IQSEC1: variants seen among roughly 807,000 people sequenced by gnomAD.
The protein encoded by IQSEC1 is IQ motif and SEC7 domain-containing protein 1.
In IQSEC1, 31 loss-of-function variants were observed where a neutral mutation model predicts 91.0. The ratio of observed to expected loss-of-function variants is 0.34; its 90% CI spans 0.26 to 0.46. IQSEC1 has a LOEUF of 0.46. IQSEC1 is among the 20% of genes least tolerant of loss of function. The pLI is 1.00. For missense variants in IQSEC1, 1,388 were observed against 1,575.6 expected (o/e 0.88, Z 2.02); for synonymous variants, 699 against 662.6 (o/e 1.05, Z -0.84).
Position 12,935,862 on chromosome 3 carries a change from C to T in IQSEC1, c.1154G>A (p.Gly385Glu). The T allele has an allele frequency of 6.2e-7, 1 of 1,607,584 alleles. No homozygotes were observed. Among genetic ancestry groups the T allele is most frequent in the South Asian group, 1.1e-5 (1 of 91,084 alleles). The change falls in exon 3 of 14, where the codon GGG (glycine) becomes GAG (glutamate). Residue 385 changes from glycine (G) to glutamate (E), a missense_variant. This residue lies in a region of IQSEC1 where 1,059 missense variants were observed against 1,317.8 expected (regional missense o/e 0.80). Coordinates refer to ENST00000613206, the MANE Select transcript of IQSEC1 (RefSeq NM_001134382.3). The surrounding 1 kb of genome is among the most constrained non-coding windows in gnomAD (Gnocchi z 8.0). ...GTAAGCACTCTGCCTCTTGAGTGACCCCCGCTCCGAGCGGTCACTAAGGTC... is the reference window on the plus strand; with the variant it reads ...GTAAGCACTCTGCCTCTTGAGTGACTCCCGCTCCGAGCGGTCACTAAGGTC... ...SVDLSDRSER[G>E]SLKRQSAYER...
intron 1 of IQSEC1, among the ~76,000 whole-genome samples, chr3:13,247,452 C>T (rs1196509521): frequency 1.3e-5 from 2 of 152,238 alleles, no homozygotes; most frequent in Non-Finnish European, 2.9e-5. Context: ...TCACCTCCCT[C>T]ATCGCCCCCC....
chr3:13,225,835 G>A (rs1273325305), intron 1 of IQSEC1, among the ~76,000 whole-genome samples: 1 of 152,114 alleles, frequency 6.6e-6, no homozygotes, highest in Non-Finnish European at 1.5e-5. Flanking sequence ...TGCATAGGGT[G>A]CAAGAAGCAG....
At chr3:13,061,957 A>G (rs1705082049) in intron 1 of IQSEC1, among the ~76,000 whole-genome samples, 1 of 152,192 alleles carries the variant, frequency 6.6e-6, no homozygotes, top group African/African-American at 2.4e-5. Flanking sequence ...AGGAATGGCC[A>G]TGAGTCCCAG....
intron 1 of IQSEC1, among the ~76,000 whole-genome samples, chr3:13,264,639 T>C (rs184017929): frequency 1.9e-4 from 29 of 152,244 alleles, no homozygotes; most frequent in African/African-American, 6.7e-4. Context: ...AGGCTGGCAC[T>C]GAGGGTAGGC....
At chr3:13,215,085 C>T (rs771881252) in intron 1 of IQSEC1, among the ~76,000 whole-genome samples, 3 of 152,100 alleles carry the variant, frequency 2.0e-5, no homozygotes, top group Admixed American at 6.5e-5. Flanking sequence ...GCTCCTTGTG[C>T]ACCATCTGGC....
intron 1 of IQSEC1, among the ~76,000 whole-genome samples, chr3:13,028,374 G>A (rs1274765234): frequency 6.6e-6 from 1 of 152,230 alleles, no homozygotes; most frequent in Non-Finnish European, 1.5e-5. Flanking sequence ...CCCCGAGGCT[G>A]GGCCAGGCTA....
At position 13,010,670 on chromosome 3, in the gene IQSEC1, G is replaced by A. The variant is rs557996236; in HGVS notation, c.23+62322C>T. 2.0e-4 allele frequency among the ~76,000 whole-genome samples: 30 copies of A among 152,262 alleles called. No homozygotes were observed. In the South Asian group the frequency reaches 4.8e-3, roughly 24 times the overall value. ...TAAATTCAGCCTTTGCCTTAAGCCC[G>A]TCAAGCCAGTCTGGGGTGCCTCTTT... is the stretch of plus-strand genomic sequence containing the variant. On this transcript the variant is annotated intron_variant, in intron 1 of 13. Transcript: ENST00000613206.
At chr3:13,225,517 A>G (rs1329429213) in intron 1 of IQSEC1, among the ~76,000 whole-genome samples, 1 of 152,246 alleles carries the variant, frequency 6.6e-6, no homozygotes, top group Non-Finnish European at 1.5e-5. Context: ...ACAAGCATAC[A>G]TTCACTTGGC....
At chr3:13,083,021 C>T (rs1705671784) in intron 2 of IQSEC1, among the ~76,000 whole-genome samples, 1 of 152,182 alleles carries the variant, frequency 6.6e-6, no homozygotes, top group South Asian at 2.1e-4. Context: ...CAGTCGTCGA[C>T]CTGAGAAGGG....
intron 12 of IQSEC1, among the ~76,000 whole-genome samples, chr3:12,903,838 C>T (rs779770146): frequency 1.2e-4 from 19 of 152,334 alleles, no homozygotes; most frequent in South Asian, 2.1e-4. Context: ...ATGTATTGAG[C>T]GCTGCGCTGG....
intron 1 of IQSEC1, among the ~76,000 whole-genome samples, chr3:13,236,117 G>C (rs989536211): frequency 3.3e-5 from 5 of 152,082 alleles, no homozygotes; most frequent in African/African-American, 2.4e-5. Flanking sequence ...ACTCATCTCT[G>C]TTCCCTTTGT....
intron 2 of IQSEC1, among the ~76,000 whole-genome samples, chr3:13,119,561 G>A (rs1307306702): frequency 6.6e-6 from 1 of 152,218 alleles, no homozygotes; most frequent in East Asian, 1.9e-4. Context: ...CAACATCCTG[G>A]CTTCTTCCTG....
chr3:12,927,854 G>C (rs1048533652), intron 3 of IQSEC1, among the ~76,000 whole-genome samples: 3 of 152,210 alleles, frequency 2.0e-5, no homozygotes, highest in African/African-American at 7.2e-5. Context: ...AGGTGACAGT[G>C]AGGACAAAGG....
rs372918787 is a variant in IQSEC1, at chr3:12,909,467, C to T, written c.2417-33G>A. Reference sequence around the variant, plus strand: ...AGGGAAGGAGAGGGGAGGAGGCCCACGGGTCTCAGTGTGTTCTCTGCAATC... The same window carrying T: ...AGGGAAGGAGAGGGGAGGAGGCCCATGGGTCTCAGTGTGTTCTCTGCAATC... On this transcript the variant is annotated intron_variant, in intron 10 of 13. Coordinates refer to ENST00000613206, the MANE Select transcript of IQSEC1 (RefSeq NM_001134382.3). This position sits in a 1 kb window ranked among gnomAD's most constrained non-coding sequence, Gnocchi z 4.9. 4.3e-5 allele frequency: 68 copies of T among 1,598,990 alleles called. No homozygotes were observed. Among genetic ancestry groups the T allele is most frequent in the Non-Finnish European group, 5.0e-5 (59 of 1,169,694 alleles).
At chr3:13,196,089 C>T (rs1417487440) in intron 1 of IQSEC1, among the ~76,000 whole-genome samples, 3 of 152,042 alleles carry the variant, frequency 2.0e-5, no homozygotes, top group African/African-American at 4.8e-5. Context: ...GCTTTTGTCC[C>T]CTCCCTCTTC....
chr3:13,113,961 G>A (rs962805174), intron 2 of IQSEC1, among the ~76,000 whole-genome samples: 6 of 152,276 alleles, frequency 3.9e-5, no homozygotes, highest in African/African-American at 1.4e-4. Context: ...TGGGAGCACA[G>A]AGCCAACTGC....
At chr3:13,155,312 T>A (rs1707068379) in intron 2 of IQSEC1, among the ~76,000 whole-genome samples, 1 of 152,234 alleles carries the variant, frequency 6.6e-6, no homozygotes, top group Non-Finnish European at 1.5e-5. Flanking sequence ...TTATTACTGA[T>A]TTTGTAGAAA....
At chr3:13,080,092 A>AC in intron 2 of IQSEC1, among the ~76,000 whole-genome samples, 1 of 152,216 alleles carries the variant, frequency 6.6e-6, no homozygotes. Flanking sequence ...TCATGAGACA[A>AC]CCTGCCAGGG....
At chr3:13,052,929 G>T in intron 1 of IQSEC1, 1 of 916,932 alleles carries the variant, frequency 1.1e-6, no homozygotes, top group Non-Finnish European at 1.8e-6. Context: ...GTGACCTTGA[G>T]ACAGCATCAA....
Sources: allele counts gnomAD v4.1 joint callset (sites outside exome capture counted in the v4.1 genomes callset), GRCh38; gene constraint gnomAD v4.1.1; regional missense constraint gnomAD v4.1.1; non-coding constraint Gnocchi (gnomAD v3.1); transcripts MANE v1.5; gene names NCBI Gene and HGNC (gene_info 2026-07-23, HGNC 2026-07-21).